Variants in PKHD1L1 observed in about 807,000 individuals in gnomAD.
PKHD1L1 encodes the protein PKHD1 like 1.
A neutral mutation model predicts 462.9 loss-of-function variants in PKHD1L1; 434 were observed. The ratio of observed to expected loss-of-function variants is 0.94; its 90% CI spans 0.87 to 1.02. PKHD1L1 has a LOEUF of 1.02. PKHD1L1 is among the 50% of genes least tolerant of loss of function. The pLI is 0.00. For missense variants in PKHD1L1, 5,202 were observed against 5,096.1 expected (o/e 1.02, Z -0.63); for synonymous variants, 1,781 against 1,750.0 (o/e 1.02, Z -0.44).
At chr8:109,434,014 G>A (rs556352988) in intron 28 of PKHD1L1, among the ~76,000 whole-genome samples, 6 of 152,108 alleles carry the variant, frequency 3.9e-5, no homozygotes, top group East Asian at 1.9e-4. Context: ...ACACAAGAAC[G>A]GAAAACCAAA....
rs1812878843 is a variant in PKHD1L1, at chr8:109,394,623, T to C, written c.811+138T>C. 1.7e-5 allele frequency: 8 copies of C among 473,640 alleles called. No homozygotes were observed. The East Asian group carries it at 2.8e-4, about 17-fold the overall frequency. The allele number at this position is 473,640 out of a possible 1,614,324, so 29.3% of individuals were successfully genotyped here. A position where few individuals can be genotyped will look rare whatever the true frequency, so the allele number is the denominator to read the frequency against. On this transcript the variant is annotated intron_variant, in intron 10 of 77. Coordinates refer to ENST00000378402, the MANE Select transcript of PKHD1L1 (RefSeq NM_177531.6). ...GCTAGGAAAGGAAAAATCCCTAAGA[T>C]GGGGAGTCTAACAGGAAGCTACAAC...
At chr8:109,485,230 T>G in intron 58 of PKHD1L1, 57 bp downstream of exon 58, 4 of 1,335,302 alleles carry the variant, frequency 3.0e-6, no homozygotes, top group Non-Finnish European at 4.0e-6. Flanking sequence ...GATTCACATT[T>G]ACTCTGTAAT....
rs143572509 is a variant in PKHD1L1 at position 109,382,423 on chromosome 8, A to G, written c.309-40A>G. 6.6e-6 allele frequency: 10 copies of G among 1,514,186 alleles called. No individual in the cohort carries two copies. The East Asian group carries it at 2.4e-4, about 36-fold the overall frequency. 93.8% of individuals were successfully genotyped at this position (1,514,186 alleles called of 1,614,324 possible). On this transcript the variant is annotated intron_variant, in intron 3 of 77. Transcript: ENST00000378402. ...ATTAATACTATACACTAAATAAGAG[A>G]GGAATTGCATGTCTCATATATTCTT...
At chr8:109,433,961 A>G (rs1179404478) in intron 28 of PKHD1L1, among the ~76,000 whole-genome samples, 1 of 152,314 alleles carries the variant, frequency 6.6e-6, no homozygotes, top group East Asian at 1.9e-4. Context: ...TATCCTTTGC[A>G]GGGACATGGA....
intron 2 of PKHD1L1, among the ~76,000 whole-genome samples, chr8:109,367,845 A>G (rs1811308191): frequency 6.6e-6 from 1 of 152,204 alleles, no homozygotes. Context: ...TAAGGCTGCA[A>G]TGAGCTATGA....
At chr8:109,447,303 ATAAT>A (rs1437821095) in intron 38 of PKHD1L1, among the ~76,000 whole-genome samples, 7 of 152,188 alleles carry the variant, frequency 4.6e-5, no homozygotes, top group African/African-American at 1.7e-4. Flanking sequence ...TTAAAATAAA[ATAAT>A]TATTTATATT....
rs764262504 is a variant in PKHD1L1, at chr8:109,435,181, T to C, written c.3341-9T>C. 7 of 1,611,458 alleles carry C rather than the reference T, an allele frequency of 4.3e-6. No homozygotes were observed. Among genetic ancestry groups the C allele is most frequent in the Non-Finnish European group, 5.9e-6 (7 of 1,178,932 alleles). ...ACCATTTTCTTCATCTTTTTCTTTT[T>C]TTCACAAGAAAAAGAGCTCAAGTGC... is the stretch of plus-strand genomic sequence containing the variant. On this transcript the variant is annotated splice_polypyrimidine_tract_variant and intron_variant, in intron 28 of 77. Coordinates refer to ENST00000378402, the MANE Select transcript of PKHD1L1 (RefSeq NM_177531.6).
In PKHD1L1 at chr8:109,461,878, C is replaced by T. The variant is rs752081982; in HGVS notation, c.7353C>T (p.Asn2451=). 1 of 1,604,120 alleles carries T rather than the reference C, an allele frequency of 6.2e-7. No homozygotes were observed. The highest frequency in any genetic ancestry group is 1.1e-5 in the South Asian group (1 of 88,918). The change falls in exon 48 of 78, where the codon AAC becomes AAT. Residue 2451 remains asparagine, a synonymous_variant. Coordinates refer to ENST00000378402, the MANE Select transcript of PKHD1L1 (RefSeq NM_177531.6). ...VMFHAPVPGA[N]MVTGRIEYVE... is the part of the protein sequence containing the mutation. ...TTCATGCTCCTGTACCTGGTGCTAA[C>T]ATGGTAACTGGGAGAATAGAATATG...
Position 109,398,480 on chromosome 8 carries a change from A to G in PKHD1L1, c.944A>G (p.Asn315Ser), listed in dbSNP as rs1217387111. 1 of 1,562,592 alleles carries G rather than the reference A, an allele frequency of 6.4e-7. No individual in the cohort carries two copies. The change falls in exon 12 of 78, where the codon AAT becomes AGT. Residue 315 changes from asparagine to serine, a missense_variant. Asn to Ser is a conservative substitution (Grantham distance 46). This residue lies in a region of PKHD1L1 where 4,497 missense variants were observed against 4,336.8 expected (regional missense o/e 1.04). Transcript: ENST00000378402. ...ATAGGTGAACCTTGTGATATTTTGA[A>G]TGTCACAGAAAATAGTATATGTTGC... ...LVGGEPCDIL[N>S]VTENSICCKT...
At chr8:109,487,904 G>GGAAA (rs1818626829) in intron 59 of PKHD1L1, among the ~76,000 whole-genome samples, 1 of 142,160 alleles carries the variant, frequency 7.0e-6, no homozygotes, top group Non-Finnish European at 1.6e-5. Context: ...AAGGAAGGAA[G>GGAAA]GAAGGAAGGA....
At chr8:109,426,885 T>C (rs1393099014) in intron 24 of PKHD1L1, 117 bp from the exon 25 acceptor site, 1 of 661,308 alleles carries the variant, frequency 1.5e-6, no homozygotes, top group Non-Finnish European at 2.7e-6. Context: ...ACGCCTGACC[T>C]CAGGTGACCC....
At position 109,534,484 on chromosome 8, in the gene PKHD1L1, T is replaced by G. The variant is rs1329585762; in HGVS notation, c.*4394T>G. ...CTCAAAAAAAAAAACCCAAAAAACT[T>G]TAATCTGAATCCATTATGTGTTGGG... On this transcript the variant is annotated 3_prime_UTR_variant, in exon 78 of 78. Coordinates refer to ENST00000378402, the MANE Select transcript of PKHD1L1 (RefSeq NM_177531.6). Among the ~76,000 whole-genome samples, 1 of 151,900 alleles carries G rather than the reference T, an allele frequency of 6.6e-6. No individual in the cohort carries two copies. The highest frequency in any genetic ancestry group is 2.4e-5 in the African/African-American group (1 of 41,370).
At chr8:109,365,925 G>A (rs1284549186) in intron 2 of PKHD1L1, among the ~76,000 whole-genome samples, 2 of 152,168 alleles carry the variant, frequency 1.3e-5, no homozygotes, top group African/African-American at 2.4e-5. Flanking sequence ...AGTGAGCCGA[G>A]ATCGCGCCAC....
chr8:109,492,566 G>GT (rs911228875), intron 62 of PKHD1L1, among the ~76,000 whole-genome samples: 7 of 151,770 alleles, frequency 4.6e-5, no homozygotes, highest in African/African-American at 1.7e-4. Flanking sequence ...TAAGGATTGA[G>GT]TTTTTTTATG....
intron 2 of PKHD1L1, among the ~76,000 whole-genome samples, chr8:109,366,675 C>A (rs1312980738): frequency 6.7e-6 from 1 of 149,972 alleles, no homozygotes; most frequent in Non-Finnish European, 1.5e-5. Flanking sequence ...TGTTTATGAC[C>A]ATTCCTGTGG....
intron 71 of PKHD1L1, among the ~76,000 whole-genome samples, chr8:109,514,921 A>T (rs1820184130): frequency 6.6e-6 from 1 of 152,074 alleles, no homozygotes; most frequent in South Asian, 2.1e-4. Flanking sequence ...AAACTCAGAG[A>T]TACTCCTCTA....
intron 47 of PKHD1L1, 105 bp downstream of exon 47, chr8:109,459,941 T>TCATATATATA: frequency 2.2e-6 from 2 of 925,704 alleles, no homozygotes; most frequent in Non-Finnish European, 2.9e-6. Context: ...ATTGTAAATA[T>TCATATATATA]CATTAAATAT....
In PKHD1L1 at chr8:109,528,294, T is replaced by C. The variant is rs1820915609; in HGVS notation, c.12721+1274T>C. ...TAGCACAGAATTCCTCATCATCTCC[T>C]TACAAACATACTTCTCCGCCCGCAG... On this transcript the variant is annotated intron_variant, in intron 77 of 77. Coordinates refer to ENST00000378402, the MANE Select transcript of PKHD1L1 (RefSeq NM_177531.6). Among the ~76,000 whole-genome samples the C allele has an allele frequency of 2.0e-5, 3 of 152,276 alleles. No homozygotes were observed. The South Asian group carries it at 6.2e-4, about 32-fold the overall frequency.
At chr8:109,370,960 A>G (rs1162121588) in intron 2 of PKHD1L1, among the ~76,000 whole-genome samples, 1 of 152,174 alleles carries the variant, frequency 6.6e-6, no homozygotes, top group Non-Finnish European at 1.5e-5. Context: ...ATAGTGCCGC[A>G]ATAAACATAC....
Sources: allele counts gnomAD v4.1 joint callset (sites outside exome capture counted in the v4.1 genomes callset), GRCh38; gene constraint gnomAD v4.1.1; regional missense constraint gnomAD v4.1.1; transcripts MANE v1.5; gene names NCBI Gene and HGNC (gene_info 2026-07-23, HGNC 2026-07-21).